Variants in CRYBG1 observed in about 807,000 individuals in gnomAD.
The protein encoded by CRYBG1 is crystallin beta-gamma domain containing 1, also known as beta/gamma crystallin domain-containing protein 1.
A neutral mutation model predicts 189.2 loss-of-function variants in CRYBG1; 139 were observed. That is an observed-to-expected ratio of 0.73 (90% CI 0.64 to 0.85). The LOEUF (loss-of-function observed/expected upper bound fraction) is 0.85, where lower values mean the gene tolerates loss of function less well. Ranked by LOEUF, CRYBG1 falls within the 40% of genes least tolerant of loss-of-function variation. CRYBG1 has a pLI of 0.00. For missense variants in CRYBG1, 2,611 were observed against 2,675.8 expected (o/e 0.98, Z 0.53); for synonymous variants, 1,023 against 1,017.1 (o/e 1.01, Z -0.11).
chr6:106,444,451 G>T (rs916494381), intron 1 of CRYBG1, among the ~76,000 whole-genome samples: 3 of 152,152 alleles, frequency 2.0e-5, no homozygotes, highest in Non-Finnish European at 2.9e-5. Flanking sequence ...TTCTCCTGGG[G>T]ATTTGCACAA....
At chr6:106,413,611 C>T (rs944717449) in intron 1 of CRYBG1, among the ~76,000 whole-genome samples, 3 of 151,722 alleles carry the variant, frequency 2.0e-5, no homozygotes, top group African/African-American at 7.3e-5. Flanking sequence ...TCGGAAGCAG[C>T]GGTTGCAGTG....
At chr6:106,416,079 A>C (rs1771015478) in intron 1 of CRYBG1, among the ~76,000 whole-genome samples, 1 of 151,998 alleles carries the variant, frequency 6.6e-6, no homozygotes, top group South Asian at 2.1e-4. Context: ...CCCACCCAAG[A>C]CTGTTCCCTC....
At chr6:106,562,563 T>G (rs1443202633) in intron 20 of CRYBG1, among the ~76,000 whole-genome samples, 1 of 152,200 alleles carries the variant, frequency 6.6e-6, no homozygotes, top group East Asian at 1.9e-4. Context: ...CTCGGCTCAC[T>G]TCAACCTGTA....
chr6:106,399,515 A>T (rs1431979445), intron 1 of CRYBG1, among the ~76,000 whole-genome samples: 3 of 152,202 alleles, frequency 2.0e-5, no homozygotes, highest in African/African-American at 7.2e-5. Flanking sequence ...TGGATGCGTG[A>T]CATAGGTATG....
intron 1 of CRYBG1, among the ~76,000 whole-genome samples, chr6:106,371,020 A>G (rs1770014834): frequency 6.6e-6 from 1 of 152,208 alleles, no homozygotes; most frequent in African/African-American, 2.4e-5. Flanking sequence ...GCCAACAAAA[A>G]TAAAAATAAC....
chr6:106,555,146 C>T (rs970921381), intron 16 of CRYBG1, among the ~76,000 whole-genome samples: 5 of 147,406 alleles, frequency 3.4e-5, no homozygotes, highest in African/African-American at 1.3e-4. Context: ...GCCTGTGTGA[C>T]AGAGCGAGAT....
chr6:106,362,178 A>T (rs539051651), intron 1 of CRYBG1, among the ~76,000 whole-genome samples: 49 of 150,934 alleles, frequency 3.2e-4, no homozygotes, highest in African/African-American at 1.1e-3. Context: ...ACCGTGTTAG[A>T]CAGGATGGTC....
chr6:106,419,812 A>C (rs1041432436), intron 1 of CRYBG1, among the ~76,000 whole-genome samples: 4 of 152,230 alleles, frequency 2.6e-5, no homozygotes, highest in Non-Finnish European at 4.4e-5. Context: ...AAGAATCTTG[A>C]GGCAGGAAAA....
chr6:106,444,804 AC>A (rs1295461301), intron 1 of CRYBG1, among the ~76,000 whole-genome samples: 1 of 152,180 alleles, frequency 6.6e-6, no homozygotes. Context: ...ACATTTCTGC[AC>A]CACACAGCAT....
intron 1 of CRYBG1, among the ~76,000 whole-genome samples, chr6:106,405,673 T>G (rs2207961): frequency 0.6 from 91,232 of 152,026 alleles, 27,957 homozygotes; most frequent in South Asian, 0.76. Flanking sequence ...CTGGGACAAA[T>G]CTTCCAGAAG....
chr6:106,394,806 G>A (rs1770573616), intron 1 of CRYBG1, among the ~76,000 whole-genome samples: 1 of 151,724 alleles, frequency 6.6e-6, no homozygotes, highest in South Asian at 2.1e-4. Flanking sequence ...TTAGTAGGTA[G>A]TGCAGTGCCT....
At chr6:106,459,235 G>T (rs1771952680) in intron 2 of CRYBG1, among the ~76,000 whole-genome samples, 1 of 152,086 alleles carries the variant, frequency 6.6e-6, no homozygotes, top group Non-Finnish European at 1.5e-5. Flanking sequence ...GACTATGGGT[G>T]CTCTTTATTT....
At chr6:106,485,609 A>G (rs1461861611) in intron 2 of CRYBG1, among the ~76,000 whole-genome samples, 1 of 152,224 alleles carries the variant, frequency 6.6e-6, no homozygotes, top group African/African-American at 2.4e-5. Context: ...TATGATGTCA[A>G]CTGTGGGTTT....
Position 106,570,942 on chromosome 6 carries a change from T to C in CRYBG1, c.*2376T>C, listed in dbSNP as rs1272799069. 1 of 152,134 alleles carries C rather than the reference T, an allele frequency of 6.6e-6. No individual in the cohort carries two copies. Among genetic ancestry groups the C allele is most frequent in the Non-Finnish European group, 1.5e-5 (1 of 68,032 alleles). The allele number at this position is 152,134 out of a possible 1,614,324, so 9.4% of individuals were successfully genotyped here. A position where few individuals can be genotyped will look rare whatever the true frequency, so the allele number is the denominator to read the frequency against. On this transcript the variant is annotated 3_prime_UTR_variant, in exon 22 of 22. Coordinates refer to ENST00000633556, the MANE Select transcript of CRYBG1 (RefSeq NM_001371242.2). ...AGGTGCAATACTGAGGATGAGTATA[T>C]TAGGAAGTAAAAACACTTACCGTAA...
intron 2 of CRYBG1, among the ~76,000 whole-genome samples, chr6:106,494,737 GGT>G (rs1173332166): frequency 2.0e-5 from 3 of 152,082 alleles, no homozygotes; most frequent in African/African-American, 7.2e-5. Context: ...AGTATTATGA[GGT>G]GAGCATAATT....
At chr6:106,471,814 A>AAAAG (rs1230170494) in intron 2 of CRYBG1, among the ~76,000 whole-genome samples, 3,982 of 149,918 alleles carry the variant, frequency 0.027, 188 homozygotes, top group African/African-American at 0.093. Flanking sequence ...AAAAAAAAAA[A>AAAAG]AAGAAGAAGA....
chr6:106,553,658 T>A (rs752556461), intron 16 of CRYBG1, 91 bp downstream of exon 16: 1 of 879,976 alleles, frequency 1.1e-6, no homozygotes, highest in Non-Finnish European at 1.9e-6. Flanking sequence ...TGTTAGGTGC[T>A]TGGCACTATG....
chr6:106,434,012 A>G (rs961227594), intron 1 of CRYBG1, among the ~76,000 whole-genome samples: 3 of 151,938 alleles, frequency 2.0e-5, no homozygotes, highest in South Asian at 2.1e-4. Flanking sequence ...CAAGCTGTCA[A>G]CCAGGACTCT....
At chr6:106,366,529 A>G (rs568218576) in intron 1 of CRYBG1, among the ~76,000 whole-genome samples, 2 of 152,358 alleles carry the variant, frequency 1.3e-5, no homozygotes, top group South Asian at 2.1e-4. Flanking sequence ...TACCTGGCAG[A>G]TAACAGAAAC....
Sources: gnomAD v4.1 joint callset for allele counts (sites outside exome capture counted in the v4.1 genomes callset) on GRCh38, gnomAD v4.1.1 for gene constraint, MANE v1.5 for transcripts, NCBI Gene and HGNC (gene_info 2026-07-23, HGNC 2026-07-21) for gene names.